Variants in ACAT2 observed in about 807,000 individuals in gnomAD.
ACAT2 encodes the protein acetyl-CoA acetyltransferase, cytosolic.
In ACAT2, 26 loss-of-function variants were observed where a neutral mutation model predicts 37.1. The ratio of observed to expected loss-of-function variants is 0.70; its 90% CI spans 0.51 to 0.97. The LOEUF (loss-of-function observed/expected upper bound fraction) is 0.97, where lower values mean the gene tolerates loss of function less well. Among genes scored for constraint, ACAT2 ranks in the 50% least tolerant of loss-of-function variants. The pLI is 0.00. For synonymous variants in ACAT2, 156 were observed against 163.6 expected, an observed-to-expected ratio of 0.95 and a Z score of 0.35; for missense variants, 468 against 489.0, an observed-to-expected ratio of 0.96 and a Z score of 0.40.
intron 1 of ACAT2, chr6:159,762,621 C>T (rs1245088177): frequency 1.4e-6 from 2 of 1,415,418 alleles, no homozygotes; most frequent in Non-Finnish European, 1.9e-6. Context: ...CCCGCCGGTT[C>T]CTTTTGTTTG....
At chr6:159,773,524 A>C (rs1330514735) in intron 4 of ACAT2, among the ~76,000 whole-genome samples, 2 of 152,240 alleles carry the variant, frequency 1.3e-5, no homozygotes, top group African/African-American at 4.8e-5. Context: ...CGGGGCTTCC[A>C]CTTTCCTGTA....
intron 2 of ACAT2, among the ~76,000 whole-genome samples, chr6:159,764,585 C>G (rs1400259809): frequency 6.6e-6 from 1 of 152,078 alleles, no homozygotes; most frequent in Non-Finnish European, 1.5e-5. Context: ...GCTGGGATTA[C>G]AGGAGCAGGC....
chr6:159,772,346 A>T (rs9347343), intron 4 of ACAT2, among the ~76,000 whole-genome samples: 33,358 of 152,256 alleles, frequency 0.22, 3,836 homozygotes, highest in East Asian at 0.4. Context: ...AACATTACCT[A>T]TAAAGCTGTT....
Position 159,779,084 on chromosome 6 carries a change from A to G in ACAT2, c.*255A>G. On this transcript the variant is annotated 3_prime_UTR_variant, in exon 9 of 9. Transcript: ENST00000367048. ...CTCCAGAGTGAACAGCATCTTCATA[A>G]CTTCCATGTTTATCATCTTTACTTT... 6.2e-7 allele frequency: 1 copy of G among 1,614,124 alleles called. No individual in the cohort carries two copies. Among genetic ancestry groups the G allele is most frequent in the Non-Finnish European group, 8.5e-7 (1 of 1,179,970 alleles).
At chr6:159,770,742 C>T (rs1780322283) in intron 4 of ACAT2, among the ~76,000 whole-genome samples, 1 of 152,028 alleles carries the variant, frequency 6.6e-6, no homozygotes, top group South Asian at 2.1e-4. Context: ...ATATACACGA[C>T]CTGAAGAACA....
chr6:159,776,048 T>G lies in ACAT2; in HGVS notation c.635-102T>G, dbSNP rs950526128. On this transcript the variant is annotated intron_variant, in intron 5 of 8. Transcript: ENST00000367048. ...TGGTCACATATTAAAACTTTTCTGC[T>G]AAATATGAATCCTCATGTTTAATGG... 27 of 1,366,128 alleles carry G rather than the reference T, an allele frequency of 2.0e-5. No homozygotes were observed. The African/African-American group carries it at 3.1e-4, about 16-fold the overall frequency. The allele number at this position is 1,366,128 out of a possible 1,614,324, so 84.6% of individuals were successfully genotyped here. A position where few individuals can be genotyped will look rare whatever the true frequency, so the allele number is the denominator to read the frequency against.
chr6:159,776,203 G>A lies in ACAT2; in HGVS notation c.688G>A (p.Ala230Thr). 1.2e-6 allele frequency: 2 copies of A among 1,614,096 alleles called. No individual in the cohort carries two copies. The highest frequency in any genetic ancestry group is 8.5e-7 in the Non-Finnish European group (1 of 1,179,980). Residue 230 changes from alanine to threonine, a missense_variant, in exon 6 of 9, where the codon GCC becomes ACC. By Grantham distance (58) the Ala-to-Thr change is moderately conservative. Transcript: ENST00000367048. ...EFPRHGSNIE[A>T]MSKLKPYFLT... ...TCCTCGCCATGGGAGCAACATAGAA[G>A]CCATGTCCAAGCTAAAGCCTTACTT...
At chr6:159,778,538 A>C in intron 8 of ACAT2, 121 bp from the exon 9 acceptor site, 1 of 1,137,626 alleles carries the variant, frequency 8.8e-7, no homozygotes, top group Non-Finnish European at 1.2e-6. Context: ...TAAGCAGTTA[A>C]AATGAAAATT....
intron 7 of ACAT2, among the ~76,000 whole-genome samples, chr6:159,777,816 G>A (rs962935097): frequency 6.6e-6 from 1 of 152,144 alleles, no homozygotes; most frequent in African/African-American, 2.4e-5. Context: ...CAAGTGTTGA[G>A]ATTTCAGGTG....
At chr6:159,764,201 A>T (rs949643316) in intron 2 of ACAT2, among the ~76,000 whole-genome samples, 4 of 152,092 alleles carry the variant, frequency 2.6e-5, no homozygotes, top group Admixed American at 2.0e-4. Context: ...ATTCAACAAA[A>T]ATGTATTCAG....
At chr6:159,774,709 G>A (rs1193493800) in intron 4 of ACAT2, among the ~76,000 whole-genome samples, 3 of 152,180 alleles carry the variant, frequency 2.0e-5, no homozygotes, top group African/African-American at 7.2e-5. Context: ...CCAAAATGCT[G>A]GGATTACAGG....
intron 4 of ACAT2, among the ~76,000 whole-genome samples, chr6:159,771,992 G>A (rs183110682): frequency 0.016 from 2,426 of 152,232 alleles, 40 homozygotes; most frequent in Non-Finnish European, 0.024. Context: ...TTGGGAGGCC[G>A]AGGCGGGCGG....
At position 159,769,882 on chromosome 6, in the gene ACAT2, T is replaced by A. The variant is rs1001898489; in HGVS notation, c.490+1254T>A. On this transcript the variant is annotated intron_variant, in intron 4 of 8. Transcript: ENST00000367048. ...CAAAAGGTTCCCCTTAAGTCTTTGA[T>A]CAAATACTAAGCTTGTAGATAACAG... Among the ~76,000 whole-genome samples, 36 of 152,158 alleles carry A rather than the reference T, an allele frequency of 2.4e-4. 1 individual carries two copies. Among genetic ancestry groups the A allele is most frequent in the Non-Finnish European group, 5.9e-5 (4 of 68,030 alleles).
At chr6:159,772,842 A>G (rs561796617) in intron 4 of ACAT2, among the ~76,000 whole-genome samples, 6 of 152,098 alleles carry the variant, frequency 3.9e-5, no homozygotes, top group Non-Finnish European at 7.4e-5. Flanking sequence ...AAACAGCTTG[A>G]TAAGTAAAGA....
chr6:159,762,280 C>T (rs1056958847), intron 1 of ACAT2, 138 bp downstream of exon 1: 17 of 1,286,426 alleles, frequency 1.3e-5, no homozygotes, highest in Non-Finnish European at 1.3e-5. Flanking sequence ...CGCGGGATCC[C>T]TGGAACCCTG....
Position 159,763,000 on chromosome 6 carries a change from C to T in ACAT2, c.137C>T (p.Thr46Ile). The T allele has an allele frequency of 6.2e-7, 1 of 1,614,178 alleles. No individual in the cohort carries two copies. The highest frequency in any genetic ancestry group is 8.5e-7 in the Non-Finnish European group (1 of 1,180,026). ...TVIKEVLKRA[T>I]VAPEDVSEVI... The stretch of plus-strand genomic sequence containing the variant: ...ATCAAAGAAGTCTTGAAGAGGGCCA[C>T]TGTGGCTCCGGAAGATGTGTCTGAG... The change falls in exon 2 of 9, where the codon ACT becomes ATT. Residue 46 changes from threonine to isoleucine, a missense_variant. Coordinates refer to ENST00000367048, the MANE Select transcript of ACAT2 (RefSeq NM_005891.3).
At chr6:159,773,363 A>C (rs1048274102) in intron 4 of ACAT2, among the ~76,000 whole-genome samples, 3 of 152,218 alleles carry the variant, frequency 2.0e-5, no homozygotes, top group African/African-American at 7.2e-5. Flanking sequence ...AACAACAAGC[A>C]GTCCTGACAC....
intron 4 of ACAT2, among the ~76,000 whole-genome samples, chr6:159,772,401 A>G (rs1003909578): frequency 3.3e-5 from 5 of 152,236 alleles, no homozygotes; most frequent in Admixed American, 6.5e-5. Context: ...GAGAAAGAGA[A>G]CAGAGTTCAG....
At position 159,778,742 on chromosome 6, in the gene ACAT2, AC is replaced by A; in HGVS notation, c.1108del (p.Leu370TrpfsTer21). The A allele has an allele frequency of 6.2e-7, 1 of 1,614,228 alleles. No individual in the cohort carries two copies. Among genetic ancestry groups the A allele is most frequent in the Non-Finnish European group, 8.5e-7 (1 of 1,180,040 alleles). ...CRILVTLLHTLERMGRSRGVA... is the reference protein window; with the variant it reads ...CRILVTLLHTXERMGRSRGVA... ...GAATTCTTGTGACCCTGTTACACAC[AC>A]TGGAGAGAATGGGCAGAAGTCGTGG... On this transcript the variant is annotated frameshift_variant, in exon 9 of 9. Coordinates refer to ENST00000367048, the MANE Select transcript of ACAT2 (RefSeq NM_005891.3). LOFTEE classifies it high-confidence loss of function.
Sources: allele counts gnomAD v4.1 joint callset (sites outside exome capture counted in the v4.1 genomes callset), GRCh38; gene constraint gnomAD v4.1.1; transcripts MANE v1.5; gene names NCBI Gene and HGNC (gene_info 2026-07-23, HGNC 2026-07-21).